Variants in PIK3C2G observed in about 807,000 individuals in gnomAD.
The protein encoded by PIK3C2G is phosphatidylinositol 3-kinase C2 domain-containing subunit gamma.
A neutral mutation model predicts 181.1 loss-of-function variants in PIK3C2G; 168 were observed. The ratio of observed to expected loss-of-function variants is 0.93; its 90% CI spans 0.82 to 1.05. The LOEUF is 1.05. PIK3C2G is among the 50% of genes least tolerant of loss of function. PIK3C2G has a pLI of 0.00. For missense variants in PIK3C2G, 1,869 were observed against 1,732.8 expected (o/e 1.08, Z -1.40); for synonymous variants, 573 against 592.2 (o/e 0.97, Z 0.47).
At chr12:18,243,504 G>C (rs1412344935), upstream of PIK3C2G, among the ~76,000 whole-genome samples, 4 of 151,430 alleles carry the variant, frequency 2.6e-5, no homozygotes, top group South Asian at 6.3e-4. Flanking sequence ...AAAACAAGGG[G>C]GTAAATTAAA....
intron 14 of PIK3C2G, among the ~76,000 whole-genome samples, chr12:18,387,264 TAC>T (rs1221935191): frequency 4.6e-5 from 7 of 152,218 alleles, no homozygotes; most frequent in African/African-American, 1.7e-4. Flanking sequence ...CCAAAATTTA[TAC>T]AGTCACAAGG....
intron 30 of PIK3C2G, 143 bp from the exon 31 acceptor site, chr12:18,609,392 G>A: frequency 1.9e-6 from 1 of 540,328 alleles, no homozygotes; most frequent in Non-Finnish European, 3.3e-6. Flanking sequence ...GCCTCCTGAA[G>A]AGCATTAAGA....
At chr12:18,650,700 GTGTGTATATATCTATATATATATATA>G (rs1950440017), downstream of PIK3C2G, among the ~76,000 whole-genome samples, 18 of 43,826 alleles carry the variant, frequency 4.1e-4, no homozygotes, top group African/African-American at 1.6e-3. Context: ...GTGTGTGTGT[GTGTGTATATATCTATATATATATATA>G]TATATATATA....
chr12:18,473,434 GA>G (rs1938646389), intron 18 of PIK3C2G, among the ~76,000 whole-genome samples: 1 of 152,166 alleles, frequency 6.6e-6, no homozygotes, highest in African/African-American at 2.4e-5. Flanking sequence ...CCAGTCTGTA[GA>G]CCTTTTTATA....
intron 1 of PIK3C2G, among the ~76,000 whole-genome samples, chr12:18,254,558 G>T (rs1331268704): frequency 6.6e-6 from 1 of 151,940 alleles, no homozygotes; most frequent in Non-Finnish European, 1.5e-5. Context: ...AAAATAGTCA[G>T]TTTGGGCTGG....
At chr12:18,537,458 T>C (rs927960005) in intron 24 of PIK3C2G, among the ~76,000 whole-genome samples, 2 of 151,374 alleles carry the variant, frequency 1.3e-5, no homozygotes, top group African/African-American at 4.9e-5. Flanking sequence ...GTATCTTAAA[T>C]GACATGATAA....
chr12:18,607,921 A>G (rs1337664879), intron 30 of PIK3C2G, among the ~76,000 whole-genome samples: 47 of 152,214 alleles, frequency 3.1e-4, no homozygotes, highest in Non-Finnish European at 2.2e-4. Context: ...AAAAGAAGAC[A>G]TTTATGCAGC....
chr12:18,345,066 A>T (rs915403257), intron 10 of PIK3C2G, among the ~76,000 whole-genome samples: 1 of 152,202 alleles, frequency 6.6e-6, no homozygotes, highest in Non-Finnish European at 1.5e-5. Flanking sequence ...TTTATGATTT[A>T]TTTTAGATGT....
At chr12:18,604,323 C>G (rs1199465846) in intron 30 of PIK3C2G, among the ~76,000 whole-genome samples, 1 of 152,064 alleles carries the variant, frequency 6.6e-6, no homozygotes, top group Non-Finnish European at 1.5e-5. Context: ...TGGTAAAAAG[C>G]CTTGTCCAAC....
chr12:18,361,966 C>T (rs946099538), intron 11 of PIK3C2G, among the ~76,000 whole-genome samples: 3 of 151,910 alleles, frequency 2.0e-5, no homozygotes, highest in African/African-American at 7.3e-5. Flanking sequence ...AATAAGAAGC[C>T]ACCCAACTTT....
rs1484884780 is a variant in PIK3C2G at position 18,282,555 on chromosome 12, A to G, written c.474A>G (p.Lys158=). 1.2e-6 allele frequency: 2 copies of G among 1,611,318 alleles called. No individual in the cohort carries two copies. The highest frequency in any genetic ancestry group is 2.2e-5 in the East Asian group (1 of 44,864). The change falls in exon 2 of 33, where the codon AAA becomes AAG. Residue 158 remains lysine, a synonymous_variant. Transcript: ENST00000538779. The stretch of plus-strand genomic sequence containing the variant: ...GTTTGGATAAAATTAATCTAGAGAA[A>G]GAATTAGAAAATGAAAATCATAACT... ...FTSLDKINLE[K]ELENENHNYH...
intron 29 of PIK3C2G, among the ~76,000 whole-genome samples, chr12:18,567,788 C>G (rs943568468): frequency 6.6e-6 from 1 of 152,096 alleles, no homozygotes; most frequent in African/African-American, 2.4e-5. Flanking sequence ...GCTGCTGTGA[C>G]AAGTTACCAC....
the PIK3C2G span, among the ~76,000 whole-genome samples, chr12:18,697,937 T>C: frequency 6.6e-6 from 1 of 152,116 alleles, no homozygotes; most frequent in Non-Finnish European, 1.5e-5. Context: ...GAAATGGTAA[T>C]GTTATACTTT....
intron 1 of PIK3C2G, among the ~76,000 whole-genome samples, chr12:18,270,145 G>A (rs924019707): frequency 6.6e-6 from 1 of 151,608 alleles, no homozygotes. Context: ...CCCGACCTCA[G>A]GTGATCCACC....
At position 18,596,920 on chromosome 12, in the gene PIK3C2G, A is replaced by G. The variant is rs115203692; in HGVS notation, c.4087+2351A>G. On this transcript the variant is annotated intron_variant, in intron 30 of 32. Transcript: ENST00000538779. ...AGAATAGAACTATTTAAAAATAAAT[A>G]TTTGTGTTAAGTTGTTTCTGAAACA... is the stretch of plus-strand genomic sequence containing the variant. 6.6e-3 allele frequency among the ~76,000 whole-genome samples: 1,006 copies of G among 152,280 alleles called. 8 individuals carry two copies. The highest frequency in any genetic ancestry group is 0.023 in the African/African-American group (963 of 41,544).
At chr12:18,454,239 G>A (rs1947512545) in intron 18 of PIK3C2G, among the ~76,000 whole-genome samples, 1 of 152,022 alleles carries the variant, frequency 6.6e-6, no homozygotes, top group Non-Finnish European at 1.5e-5. Context: ...CAAATAATAA[G>A]CAAGATAAAT....
chr12:18,538,048 A>AG (rs1943951382), intron 24 of PIK3C2G, 108 bp from the exon 25 acceptor site: 2 of 1,023,376 alleles, frequency 2.0e-6, no homozygotes, highest in South Asian at 1.5e-5. Context: ...ATTACAGTAG[A>AG]GAAAAAAAAA....
rs200608246 is a variant in PIK3C2G, at chr12:18,600,291, TA to T, written c.4087+5731del. Among the ~76,000 whole-genome samples the T allele has an allele frequency of 4.2e-3, 639 of 151,268 alleles. 7 individuals carry two copies. The highest frequency in any genetic ancestry group is 0.015 in the African/African-American group (615 of 41,300). On this transcript the variant is annotated intron_variant, in intron 30 of 32. Transcript: ENST00000538779. ...CTAGAAGACACTTAGGTTTAGGAAT[TA>T]AAAAAAAATCTTTTGAAGAACTGTT...
chr12:18,650,698 G>A (rs868490544), downstream of PIK3C2G, among the ~76,000 whole-genome samples: 14 of 29,094 alleles, frequency 4.8e-4, no homozygotes, highest in Non-Finnish European at 7.4e-4. Context: ...GTGTGTGTGT[G>A]TGTGTGTATA....
Sources: gnomAD v4.1 joint callset for allele counts (sites outside exome capture counted in the v4.1 genomes callset) on GRCh38, gnomAD v4.1.1 for gene constraint, MANE v1.5 for transcripts, NCBI Gene and HGNC (gene_info 2026-07-23, HGNC 2026-07-21) for gene names.